Variants in NEDD9 observed in about 807,000 individuals in gnomAD.
NEDD9 encodes neural precursor cell expressed, developmentally down-regulated 9.
A neutral mutation model predicts 76.6 loss-of-function variants in NEDD9; 26 were observed. The ratio of observed to expected loss-of-function variants is 0.34; its 90% confidence interval spans 0.25 to 0.47. The LOEUF (loss-of-function observed/expected upper bound fraction) is 0.47, where lower values mean the gene tolerates loss of function less well. Among genes scored for constraint, NEDD9 ranks in the 20% least tolerant of loss-of-function variants. NEDD9 has a pLI of 1.00. For missense variants in NEDD9, 937 were observed against 1,058.5 expected (o/e 0.89, Z 1.59); for synonymous variants, 392 against 414.2 (o/e 0.95, Z 0.65).
chr6:11,226,902 A>G (rs1199289440), intron 1 of NEDD9, among the ~76,000 whole-genome samples: 1 of 152,238 alleles, frequency 6.6e-6, no homozygotes, highest in African/African-American at 2.4e-5. Flanking sequence ...TAAATGAGGA[A>G]AAGAAGGTTT....
chr6:11,255,568 C>T (rs6457203), intron 3 of NEDD9, among the ~76,000 whole-genome samples: 46,461 of 151,748 alleles, frequency 0.31, 7,388 homozygotes, highest in East Asian at 0.6. Flanking sequence ...GTGAAGGCCC[C>T]GTGGCAGAAG....
intron 3 of NEDD9, among the ~76,000 whole-genome samples, chr6:11,285,877 A>G (rs9468793): frequency 0.3 from 45,975 of 152,066 alleles, 8,175 homozygotes; most frequent in African/African-American, 0.49. Context: ...TCAGAAATAA[A>G]TATAAAACCT....
chr6:11,232,616 A>G lies in NEDD9; in HGVS notation c.-101T>C. ...TTGAGTGCAGCGCTAGATGAAAGCG[A>G]GAAGGTCCCGGGCAGAGCCGCTTGT... On this transcript the variant is annotated 5_prime_UTR_variant, in exon 1 of 7. Transcript: ENST00000379446. The G allele has an allele frequency of 6.2e-7, 1 of 1,605,268 alleles. No homozygotes were observed. Among genetic ancestry groups the G allele is most frequent in the East Asian group, 2.2e-5 (1 of 44,786 alleles).
At chr6:11,315,273 T>C (rs1447516361) in intron 2 of NEDD9, among the ~76,000 whole-genome samples, 2 of 152,196 alleles carry the variant, frequency 1.3e-5, no homozygotes, top group African/African-American at 4.8e-5. Context: ...ACAGTTTATT[T>C]TGGTAGGTAA....
chr6:11,239,303 A>G (rs1174869887), intron 3 of NEDD9, among the ~76,000 whole-genome samples: 1 of 152,090 alleles, frequency 6.6e-6, no homozygotes, highest in Admixed American at 6.5e-5. Flanking sequence ...ATTTTGAGCA[A>G]TTTATAGAAG....
In NEDD9 at chr6:11,213,051, C is replaced by T. The variant is rs765563469; in HGVS notation, c.459+230G>A. Among the ~76,000 whole-genome samples the T allele has an allele frequency of 6.6e-6, 1 of 152,152 alleles. No homozygotes were observed. Among genetic ancestry groups the T allele is most frequent in the African/African-American group, 2.4e-5 (1 of 41,418 alleles). On this transcript the variant is annotated intron_variant, in intron 2 of 6. Transcript: ENST00000379446. This position sits in a 1 kb window ranked among gnomAD's most constrained non-coding sequence, Gnocchi z 5.4. The stretch of plus-strand genomic sequence containing the variant: ...CATGTAACCCAGGATGACACAGGAA[C>T]TTAGGAGGGCTGGAAATCAACTGTA...
At chr6:11,188,433 G>T (rs1029995729) in intron 5 of NEDD9, 126 bp from the exon 6 acceptor site, 2 of 810,712 alleles carry the variant, frequency 2.5e-6, no homozygotes, top group Admixed American at 3.9e-5. Context: ...CAAATGCCCA[G>T]TGAGGCACTG....
rs530796686 is a variant in NEDD9 at position 11,198,181 on chromosome 6, A to C, written c.460-4489T>G. On this transcript the variant is annotated intron_variant, in intron 2 of 6. Transcript: ENST00000379446. This position sits in a 1 kb window ranked among gnomAD's most constrained non-coding sequence, Gnocchi z 4.7. ...AGCCAGAAATTTGGAATTTTATGTG[A>C]AACCTGGTTTTCAAAATTGACTTAA... 4 of 152,350 alleles carry C rather than the reference A, an allele frequency of 2.6e-5. No individual in the cohort carries two copies. Among genetic ancestry groups the C allele is most frequent in the African/African-American group, 9.6e-5 (4 of 41,588 alleles). 9.4% of individuals were successfully genotyped at this position (152,350 alleles called of 1,614,324 possible). A position where few individuals can be genotyped will look rare whatever the true frequency, so the allele number is the denominator to read the frequency against.
intron 2 of NEDD9, chr6:11,201,028 G>A: frequency 6.2e-7 from 1 of 1,614,226 alleles, no homozygotes; most frequent in Non-Finnish European, 8.5e-7. Flanking sequence ...TAGGACACTT[G>A]CCCATCTCTC....
intron 2 of NEDD9, among the ~76,000 whole-genome samples, chr6:11,325,062 G>T (rs1017938015): frequency 1.3e-5 from 2 of 152,076 alleles, no homozygotes; most frequent in Non-Finnish European, 2.9e-5. Context: ...TTGATAGAAC[G>T]TGCATGTATC....
intron 3 of NEDD9, among the ~76,000 whole-genome samples, chr6:11,264,702 A>C (rs183443360): frequency 6.6e-6 from 1 of 152,254 alleles, no homozygotes; most frequent in Non-Finnish European, 1.5e-5. Context: ...AAAGGTCACA[A>C]GTAAGTATTT....
chr6:11,377,488 A>G (rs1762987483), intron 1 of NEDD9, among the ~76,000 whole-genome samples: 1 of 152,070 alleles, frequency 6.6e-6, no homozygotes. Context: ...TTTAATGACT[A>G]CCCTGCTAGG....
At position 11,185,038 on chromosome 6, in the gene NEDD9, T is replaced by C; in HGVS notation, c.*124A>G. 9 of 1,240,444 alleles carry C rather than the reference T, an allele frequency of 7.3e-6. No homozygotes were observed. The highest frequency in any genetic ancestry group is 9.7e-6 in the Non-Finnish European group (9 of 926,472). The allele number at this position is 1,240,444 out of a possible 1,614,324, so 76.8% of individuals were successfully genotyped here. The stretch of plus-strand genomic sequence containing the variant: ...TCTGAAAGTTGACTGACCCATAAAA[T>C]GTTAAAATATTTCATTTTTATATAA... On this transcript the variant is annotated 3_prime_UTR_variant, in exon 7 of 7. Coordinates refer to ENST00000379446, the MANE Select transcript of NEDD9 (RefSeq NM_006403.4).
At chr6:11,195,247 G>A (rs1423116931) in intron 2 of NEDD9, among the ~76,000 whole-genome samples, 2 of 152,180 alleles carry the variant, frequency 1.3e-5, no homozygotes, top group Admixed American at 6.5e-5. Context: ...CGAAGTAAAA[G>A]AGATTAGTAT....
At chr6:11,375,894 G>T (rs1009033633) in intron 1 of NEDD9, among the ~76,000 whole-genome samples, 1 of 151,870 alleles carries the variant, frequency 6.6e-6, no homozygotes, top group Non-Finnish European at 1.5e-5. Context: ...GCGTGATCTC[G>T]GCTCACTGCA....
chr6:11,343,400 G>C (rs939785809), intron 1 of NEDD9, among the ~76,000 whole-genome samples: 4 of 151,752 alleles, frequency 2.6e-5, no homozygotes, highest in Non-Finnish European at 5.9e-5. Flanking sequence ...CTGCACTCTA[G>C]CCTGGGCAAC....
At chr6:11,210,692 G>T (rs1223414444) in intron 2 of NEDD9, among the ~76,000 whole-genome samples, 1 of 144,966 alleles carries the variant, frequency 6.9e-6, no homozygotes, top group Non-Finnish European at 1.5e-5. Context: ...CCTCCTAGCA[G>T]CTAAGCCATC....
upstream of NEDD9, chr6:11,233,142 CCT>C (rs70991101): frequency 3.1e-3 from 1,294 of 422,724 alleles, no homozygotes; most frequent in Admixed American, 4.4e-3. Context: ...CCTGCTGATA[CCT>C]CTCTCTCTCT....
At chr6:11,366,454 AAGAG>A (rs889937572) in intron 1 of NEDD9, among the ~76,000 whole-genome samples, 4 of 152,082 alleles carry the variant, frequency 2.6e-5, no homozygotes, top group African/African-American at 9.7e-5. Flanking sequence ...AAAAGAAAGA[AAGAG>A]AGAAAGGAAA....
Sources: allele counts gnomAD v4.1 joint callset (sites outside exome capture counted in the v4.1 genomes callset), GRCh38; gene constraint gnomAD v4.1.1; non-coding constraint Gnocchi (gnomAD v3.1); transcripts MANE v1.5; gene names NCBI Gene and HGNC (gene_info 2026-07-23, HGNC 2026-07-21).